The following IDO2 variants were observed in gnomAD, a reference collection of about 807,000 sequenced individuals.
IDO2 encodes indoleamine 2,3-dioxygenase 2.
In IDO2, 46 loss-of-function variants were observed where a neutral mutation model predicts 45.1. The ratio of observed to expected loss-of-function variants is 1.02; its 90% CI spans 0.80 to 1.30. The LOEUF is 1.30. IDO2 is among the 50% of genes most tolerant of loss of function. The pLI, the probability that IDO2 is intolerant of heterozygous loss-of-function variation, is 0.00. For missense variants in IDO2, 544 were observed against 491.8 expected (o/e 1.11, Z -1.00); for synonymous variants, 218 against 184.9 (o/e 1.18, Z -1.45).
chr8:40,014,719 T>A (rs1391490171), intron 10 of IDO2, among the ~76,000 whole-genome samples: 1 of 152,256 alleles, frequency 6.6e-6, no homozygotes, highest in Non-Finnish European at 1.5e-5. Flanking sequence ...TGAGATGTTC[T>A]TACTTTGTTT....
chr8:40,008,000 G>A (rs1187455292), intron 9 of IDO2, among the ~76,000 whole-genome samples: 2 of 147,582 alleles, frequency 1.4e-5, no homozygotes, highest in South Asian at 2.1e-4. Context: ...GAGGCATCCA[G>A]TATTCCTTAT....
At chr8:40,015,215 G>A (rs775505208) in intron 10 of IDO2, 32 bp from the exon 11 acceptor site, 5 of 1,219,242 alleles carry the variant, frequency 4.1e-6, no homozygotes, top group Non-Finnish European at 5.9e-6. Context: ...TCCATGTGGA[G>A]CTATGACGTT....
chr8:39,974,295 C>T (rs1054500371), intron 3 of IDO2, among the ~76,000 whole-genome samples: 1 of 152,048 alleles, frequency 6.6e-6, no homozygotes, highest in Non-Finnish European at 1.5e-5. Context: ...GTTGGGAACA[C>T]GATGGTAAAA....
At chr8:40,000,098 G>C (rs1378772398) in intron 8 of IDO2, among the ~76,000 whole-genome samples, 1 of 152,054 alleles carries the variant, frequency 6.6e-6, no homozygotes, top group Non-Finnish European at 1.5e-5. Context: ...AAAACATCCA[G>C]TATACTTTCA....
chr8:39,988,947 C>T (rs1484532776), intron 7 of IDO2, among the ~76,000 whole-genome samples: 1 of 152,142 alleles, frequency 6.6e-6, no homozygotes, highest in East Asian at 1.9e-4. Context: ...GTCTTCCCAG[C>T]AGAGGGGATT....
intron 4 of IDO2, among the ~76,000 whole-genome samples, chr8:39,981,111 G>C (rs973032713): frequency 2.7e-5 from 4 of 150,126 alleles, no homozygotes; most frequent in African/African-American, 4.9e-5. Context: ...ACCCAGGCTG[G>C]AGTGCAGTGG....
At position 39,968,078 on chromosome 8, in the gene IDO2, CA is replaced by C. The variant is rs35600937; in HGVS notation, c.195+4390del. Among the ~76,000 whole-genome samples, 1,057 of 139,106 alleles carry C rather than the reference CA, an allele frequency of 7.6e-3. 4 individuals carry two copies. The highest frequency in any genetic ancestry group is 0.011 in the Non-Finnish European group (702 of 63,754). The allele number at this position is 139,106 out of a possible 152,430, so 91.3% of individuals were successfully genotyped here. On this transcript the variant is annotated intron_variant, in intron 3 of 10. Transcript: ENST00000502986. ...TTATAACAGCTTTATTCATAATCAC[CA>C]AAAAAAAAAAAAAATCTGGAAGAAA...
chr8:39,952,855 G>A (rs770663385), intron 2 of IDO2, among the ~76,000 whole-genome samples: 9 of 151,542 alleles, frequency 5.9e-5, no homozygotes, highest in Non-Finnish European at 1.0e-4. Context: ...TGCAACCTCC[G>A]CCTCCCGGGT....
At chr8:39,948,947 T>C (rs1172572161) in intron 1 of IDO2, among the ~76,000 whole-genome samples, 3 of 152,200 alleles carry the variant, frequency 2.0e-5, no homozygotes, top group Non-Finnish European at 2.9e-5. Flanking sequence ...TTGTTTGGTT[T>C]GTCTGTTTGT....
intron 8 of IDO2, among the ~76,000 whole-genome samples, chr8:39,990,586 C>T (rs1563436775): frequency 6.6e-6 from 1 of 152,202 alleles, no homozygotes; most frequent in African/African-American, 2.4e-5. Flanking sequence ...TGGCCTTGTG[C>T]CACCCTTTTT....
intron 2 of IDO2, among the ~76,000 whole-genome samples, chr8:39,951,277 T>TTTTTTTTA (rs1807811045): frequency 1.7e-5 from 1 of 57,264 alleles, no homozygotes; most frequent in African/African-American, 3.9e-5. Context: ...ACCCCAAGAT[T>TTTTTTTTA]TTTTTTTTTT....
rs1052064374 is a variant in IDO2 at position 39,991,802 on chromosome 8, C to T, written c.667+1964C>T. Among the ~76,000 whole-genome samples, 4 of 152,250 alleles carry T rather than the reference C, an allele frequency of 2.6e-5. No individual in the cohort carries two copies. The East Asian group carries it at 7.7e-4, about 29-fold the overall frequency. On this transcript the variant is annotated intron_variant, in intron 8 of 10. Transcript: ENST00000502986. The stretch of plus-strand genomic sequence containing the variant: ...GCCAGGCTGGTCTCGAACTCCTGAC[C>T]TCAGGTGATCTGCCTACCTTGGCCT...
At chr8:39,971,465 G>A (rs1269765416) in intron 3 of IDO2, among the ~76,000 whole-genome samples, 1 of 152,068 alleles carries the variant, frequency 6.6e-6, no homozygotes, top group African/African-American at 2.4e-5. Context: ...TGGATCAAGG[G>A]GTCATTTTGG....
At chr8:40,015,389 G>A in exon 11 of IDO2, 1 of 1,613,918 alleles carries the variant, frequency 6.2e-7, no homozygotes, top group Non-Finnish European at 8.5e-7. Context: ...ACCAGTGTGT[G>A]CAGGCCCTGG....
intron 3 of IDO2, among the ~76,000 whole-genome samples, chr8:39,969,869 C>T (rs575219809): frequency 8.3e-5 from 5 of 59,974 alleles, no homozygotes; most frequent in African/African-American, 3.8e-4. Flanking sequence ...GAGTAAAACT[C>T]CTTCTCAAAA....
In IDO2 at chr8:39,979,098, G is replaced by T. The variant is rs376085307; in HGVS notation, c.227G>T (p.Gly76Val). The change falls in exon 4 of 11, where the codon GGT becomes GTT. Residue 76 changes from glycine (G) to valine (V), a missense_variant. Gly to Val is a moderately radical substitution (Grantham distance 109). Transcript: ENST00000502986. Reference sequence around the variant, plus strand: ...CTGCTGAGCTGCCAGTTCCTGAAGGGTCACCGGGAGCAGCGCCTGGCCCAC... The same window carrying T: ...CTGCTGAGCTGCCAGTTCCTGAAGGTTCACCGGGAGCAGCGCCTGGCCCAC... The T allele has an allele frequency of 7.5e-6, 12 of 1,598,106 alleles. No individual in the cohort carries two copies. In the African/African-American group the frequency reaches 1.6e-4, roughly 21 times the overall value.
chr8:39,995,293 T>TCTTCTTCTTCTTCTTCCTC (rs1554548632), intron 8 of IDO2: 1 of 144,780 alleles, frequency 6.9e-6, no homozygotes, highest in Admixed American at 7.0e-5. Flanking sequence ...TTCTTCTTTT[T>TCTTCTTCTTCTTCTTCCTC]TTTTTGAGAT....
rs138407786 is a variant in IDO2, at chr8:40,011,140, A to C, written c.720-2425A>C. On this transcript the variant is annotated intron_variant, in intron 9 of 10. Coordinates refer to ENST00000502986, the Ensembl canonical transcript of IDO2. ...TGACCAGGCTGGTGTCAAACTCCTGACCTCAATCGATCTCCCCGCCTGGGC... is the reference window on the plus strand; with the variant it reads ...TGACCAGGCTGGTGTCAAACTCCTGCCCTCAATCGATCTCCCCGCCTGGGC... Among the ~76,000 whole-genome samples, 671 of 152,238 alleles carry C rather than the reference A, an allele frequency of 4.4e-3. 6 individuals carry two copies. The highest frequency in any genetic ancestry group is 0.011 in the East Asian group (57 of 5,170).
chr8:40,007,303 T>A (rs988497030), intron 9 of IDO2, among the ~76,000 whole-genome samples: 5 of 152,034 alleles, frequency 3.3e-5, no homozygotes, highest in Admixed American at 6.6e-5. Context: ...CAACACATAC[T>A]AAGTATTTTC....
Sources: allele counts gnomAD v4.1 joint callset (sites outside exome capture counted in the v4.1 genomes callset), GRCh38; gene constraint gnomAD v4.1.1; transcripts MANE v1.5; gene names NCBI Gene and HGNC (gene_info 2026-07-23, HGNC 2026-07-21).